The following ASIC4 variants were observed in gnomAD, a reference collection of about 807,000 sequenced individuals.
ASIC4 encodes the protein acid sensing ion channel subunit family member 4.
ASIC4 carries 28 observed loss-of-function variants against 53.4 expected under a neutral mutation model. The ratio of observed to expected loss-of-function variants is 0.52; its 90% CI spans 0.39 to 0.72. ASIC4 has a LOEUF of 0.72. Among genes scored for constraint, ASIC4 ranks in the 30% least tolerant of loss-of-function variants. The pLI is 0.00. For synonymous variants in ASIC4, 289 were observed against 301.4 expected, an observed-to-expected ratio of 0.96 and a Z score of 0.43; for missense variants, 649 against 729.7, an observed-to-expected ratio of 0.89 and a Z score of 1.27.
Position 219,515,074 on chromosome 2 carries a change from T to C in ASIC4, c.350T>C (p.Leu117Pro). 2 of 1,613,680 alleles carry C rather than the reference T, an allele frequency of 1.2e-6. No homozygotes were observed. Among genetic ancestry groups the C allele is most frequent in the Non-Finnish European group, 1.7e-6 (2 of 1,179,978 alleles). Reference protein sequence around the residue: ...APVAGFPAVTLCNINRFRHSA... With the variant: ...APVAGFPAVTPCNINRFRHSA... ...GTGGCGGGCTTCCCGGCTGTCACCC[T>C]CTGCAATATCAACCGCTTCCGGCAT... The change falls in exon 1 of 10, where the codon CTC becomes CCC. Residue 117 changes from leucine (L) to proline (P), a missense_variant. Leu to Pro is a moderately conservative substitution (Grantham distance 98). Coordinates refer to ENST00000358078, the MANE Select transcript of ASIC4 (RefSeq NM_018674.6).
At chr2:219,514,313 A>G, upstream of ASIC4, 1 of 1,512,998 alleles carries the variant, frequency 6.6e-7, no homozygotes, top group Non-Finnish European at 8.8e-7. Flanking sequence ...CATGTCCTGA[A>G]TTATTAAGCG....
chr2:219,528,617 G>T (rs1384759646), intron 1 of ASIC4, among the ~76,000 whole-genome samples: 2 of 151,986 alleles, frequency 1.3e-5, no homozygotes, highest in African/African-American at 4.8e-5. Context: ...TCAGCTCACT[G>T]CAACCTCCAC....
chr2:219,534,924 C>G (rs561843368), intron 5 of ASIC4, among the ~76,000 whole-genome samples: 1 of 152,122 alleles, frequency 6.6e-6, no homozygotes, highest in African/African-American at 2.4e-5. Context: ...GGACCCCCCC[C>G]CAGTCCCAGG....
At chr2:219,523,506 C>T (rs1026752297) in intron 1 of ASIC4, among the ~76,000 whole-genome samples, 14 of 152,316 alleles carry the variant, frequency 9.2e-5, no homozygotes, top group Admixed American at 8.5e-4. Context: ...CTGAAAAGCT[C>T]ATGGGTGGCG....
chr2:219,532,818 A>C (rs1320621306), intron 4 of ASIC4, 65 bp from the exon 5 acceptor site: 1 of 1,481,118 alleles, frequency 6.8e-7, no homozygotes, highest in East Asian at 2.3e-5. Flanking sequence ...ATGTGCTTAC[A>C]TTTGGGCGTG....
chr2:219,521,600 C>T (rs1375317721), intron 1 of ASIC4, among the ~76,000 whole-genome samples: 1 of 152,166 alleles, frequency 6.6e-6, no homozygotes, highest in Non-Finnish European at 1.5e-5. Flanking sequence ...ACTCAGTCCC[C>T]GAGTCGTCAG....
At position 219,516,875 on chromosome 2, in the gene ASIC4, T is replaced by C. The variant is rs974226578; in HGVS notation, c.582+1569T>C. Reference sequence around the variant, plus strand: ...GGGGCATTGGCCTGTTGTCCGGCTGTACACCCCCTTTCCTAGGGAAAAGCA... The same window carrying C: ...GGGGCATTGGCCTGTTGTCCGGCTGCACACCCCCTTTCCTAGGGAAAAGCA... On this transcript the variant is annotated intron_variant, in intron 1 of 9. Coordinates refer to ENST00000358078, the MANE Select transcript of ASIC4 (RefSeq NM_018674.6). The surrounding 1 kb of genome is among the most constrained non-coding windows in gnomAD (Gnocchi z 4.9). The C allele has an allele frequency of 3.3e-5, 5 of 152,342 alleles. No individual in the cohort carries two copies. The highest frequency in any genetic ancestry group is 5.9e-5 in the Non-Finnish European group (4 of 68,156). The allele number at this position is 152,342 out of a possible 1,614,324, so 9.4% of individuals were successfully genotyped here. A position where few individuals can be genotyped will look rare whatever the true frequency, so the allele number is the denominator to read the frequency against.
upstream of ASIC4, among the ~76,000 whole-genome samples, chr2:219,511,828 C>G (rs986265237): frequency 2.0e-5 from 3 of 151,724 alleles, no homozygotes; most frequent in Admixed American, 6.6e-5. The surrounding 1 kb of genome is among the most constrained non-coding windows in gnomAD (Gnocchi z 5.3). Flanking sequence ...GGGAAGCAGC[C>G]GGGAGGCTAA....
Position 219,531,828 on chromosome 2 carries a change from G to A in ASIC4, c.653G>A (p.Gly218Glu), listed in dbSNP as rs777137660. The A allele has an allele frequency of 1.2e-6, 2 of 1,613,786 alleles. No individual in the cohort carries two copies. Among genetic ancestry groups the A allele is most frequent in the South Asian group, 2.2e-5 (2 of 91,012 alleles). Residue 218 changes from glycine to glutamate, a missense_variant, in exon 2 of 10, where the codon GGG becomes GAG. Transcript: ENST00000358078. ...CGGAGCTCGCTGCCCAGCCGGGCAG[G>A]GGGCATGGGCAGTGGCCTGGAGATC... ...DPRSSLPSRA[G>E]GMGSGLEIML...
chr2:219,521,400 C>T (rs1406677903), intron 1 of ASIC4, among the ~76,000 whole-genome samples: 2 of 152,356 alleles, frequency 1.3e-5, no homozygotes, highest in Non-Finnish European at 2.9e-5. Context: ...CCTCTGTCTC[C>T]CCTGCCCGCA....
At chr2:219,531,675 C>T in intron 1 of ASIC4, 83 bp from the exon 2 acceptor site, 13 of 1,463,596 alleles carry the variant, frequency 8.9e-6, no homozygotes, top group Non-Finnish European at 1.2e-5. Context: ...GATCTGGTGG[C>T]CCTCAGCAGG....
rs1559453186 is a variant in ASIC4, at chr2:219,516,123, CCCT to C, written c.582+819_582+821del. ...TGGGGGACACAGTTTCCTGCACACT[CCCT>C]CTCTCACTCACTGTCCCTGTCACTA... On this transcript the variant is annotated intron_variant, in intron 1 of 9. Transcript: ENST00000358078. The surrounding 1 kb of genome is among the most constrained non-coding windows in gnomAD (Gnocchi z 4.9). 6.6e-6 allele frequency among the ~76,000 whole-genome samples: 1 copy of C among 152,098 alleles called. No individual in the cohort carries two copies. The highest frequency in any genetic ancestry group is 1.5e-5 in the Non-Finnish European group (1 of 68,012).
Position 219,537,232 on chromosome 2 carries a change from T to C in ASIC4, c.1322-10T>C. The C allele has an allele frequency of 6.2e-7, 1 of 1,613,228 alleles. No individual in the cohort carries two copies. Among genetic ancestry groups the C allele is most frequent in the Non-Finnish European group, 8.5e-7 (1 of 1,179,438 alleles). On this transcript the variant is annotated splice_polypyrimidine_tract_variant and intron_variant, in intron 7 of 9. Transcript: ENST00000358078. The surrounding 1 kb of genome is among the most constrained non-coding windows in gnomAD (Gnocchi z 4.9). ...GCCGCTCCCTCTGACACTGCTCTCC[T>C]GCTTCCCAGGAGACCTCGGGGGACA...
Position 219,537,271 on chromosome 2 carries a change from A to G in ASIC4, c.1351A>G (p.Ile451Val), listed in dbSNP as rs756981458. The change falls in exon 8 of 10, where the codon ATT becomes GTT. Residue 451 changes from isoleucine (I) to valine (V), a missense_variant. Physicochemically the swap from Ile to Val is conservative, Grantham distance 29. Transcript: ENST00000358078. This position sits in a 1 kb window ranked among gnomAD's most constrained non-coding sequence, Gnocchi z 4.9. ...CCTCGGGGGACAGATGGGCCTGTTC[A>G]TTGGGGCCAGCATCCTCACGTTGCT... ...GDLGGQMGLF[I>V]GASILTLLEI... The G allele has an allele frequency of 6.2e-6, 10 of 1,613,732 alleles. No homozygotes were observed. The highest frequency in any genetic ancestry group is 8.5e-6 in the Non-Finnish European group (10 of 1,179,896).
intron 1 of ASIC4, among the ~76,000 whole-genome samples, chr2:219,525,846 G>A (rs1170017331): frequency 6.6e-6 from 1 of 152,226 alleles, no homozygotes; most frequent in Non-Finnish European, 1.5e-5. Context: ...TAAGAGAGAG[G>A]CATGGGGGTG....
At chr2:219,519,811 C>T (rs191072735) in intron 1 of ASIC4, among the ~76,000 whole-genome samples, 5 of 150,294 alleles carry the variant, frequency 3.3e-5, no homozygotes, top group East Asian at 2.0e-4. Flanking sequence ...AGGGTAGCTG[C>T]GGGCTGTGAC....
rs202037132 is a variant in ASIC4 at position 219,532,025 on chromosome 2, T to C, written c.752T>C (p.Ile251Thr). The change falls in exon 3 of 10, where the codon ATT (isoleucine) becomes ACT (threonine). Residue 251 changes from isoleucine to threonine, a missense_variant. Coordinates refer to ENST00000358078, the MANE Select transcript of ASIC4 (RefSeq NM_018674.6). Reference sequence around the variant, plus strand: ...GATGAGACGTCGTTTGAGGCAGGTATTCGGGTGCAGATCCACAGCCAGGAG... The same window carrying C: ...GATGAGACGTCGTTTGAGGCAGGTACTCGGGTGCAGATCCACAGCCAGGAG... ...ETNETSFEAG[I>T]RVQIHSQEEP... 4 of 1,614,224 alleles carry C rather than the reference T, an allele frequency of 2.5e-6. No individual in the cohort carries two copies. The East Asian group carries it at 8.9e-5, about 36-fold the overall frequency.
intron 1 of ASIC4, among the ~76,000 whole-genome samples, chr2:219,528,785 C>A (rs994569644): frequency 5.9e-5 from 9 of 152,154 alleles, no homozygotes; most frequent in Non-Finnish European, 5.9e-5. Context: ...AGTGTTCTGC[C>A]CTCCTTGGTC....
chr2:219,524,823 T>C (rs956203343), intron 1 of ASIC4, among the ~76,000 whole-genome samples: 1 of 152,214 alleles, frequency 6.6e-6, no homozygotes, highest in Non-Finnish European at 1.5e-5. Context: ...AGAGAGAGCC[T>C]GCAAGGTGCT....
Sources: gnomAD v4.1 joint callset for allele counts (sites outside exome capture counted in the v4.1 genomes callset) on GRCh38, gnomAD v4.1.1 for gene constraint, Gnocchi (gnomAD v3.1) non-coding constraint, MANE v1.5 for transcripts, NCBI Gene and HGNC (gene_info 2026-07-23, HGNC 2026-07-21) for gene names.